The following ELMOD2 variants were observed in gnomAD, a reference collection of about 807,000 sequenced individuals.
The protein encoded by ELMOD2 is ELMO domain-containing protein 2.
Under a neutral mutation model 41.0 loss-of-function variants are expected in ELMOD2, and 28 were observed. That is an observed-to-expected ratio of 0.68 (90% CI 0.51 to 0.94). The LOEUF (loss-of-function observed/expected upper bound fraction) is 0.94, where lower values mean the gene tolerates loss of function less well. ELMOD2 is among the 40% of genes least tolerant of loss of function. The pLI, the probability that ELMOD2 is intolerant of heterozygous loss-of-function variation, is 0.00. For missense variants in ELMOD2, 333 were observed against 343.1 expected (o/e 0.97, Z 0.23); for synonymous variants, 106 against 107.2 (o/e 0.99, Z 0.07).
In ELMOD2 at chr4:140,550,597, A is replaced by G; in HGVS notation, c.*222A>G. ...TTATCCTTCCAAAGATCCCCTCTGT[A>G]GAGTCATGCGAACTACAGTTTGGAA... is the stretch of plus-strand genomic sequence containing the variant. On this transcript the variant is annotated 3_prime_UTR_variant, in exon 9 of 9. Transcript: ENST00000323570. 2.8e-6 allele frequency: 1 copy of G among 353,530 alleles called. No individual in the cohort carries two copies. The highest frequency in any genetic ancestry group is 6.5e-5 in the East Asian group (1 of 15,334). The allele number at this position is 353,530 out of a possible 1,614,324, so 21.9% of individuals were successfully genotyped here.
intron 5 of ELMOD2, 134 bp downstream of exon 5, chr4:140,537,675 T>G: frequency 1.0e-6 from 1 of 1,004,266 alleles, no homozygotes; most frequent in East Asian, 3.3e-5. Context: ...TAGAGAATTT[T>G]ATTATGCTGG....
chr4:140,535,556 C>CTATA (rs768754886), intron 3 of ELMOD2, 177 bp from the exon 4 acceptor site: 11 of 519,978 alleles, frequency 2.1e-5, no homozygotes, highest in Middle Eastern at 5.2e-4. Context: ...TATTATAAAA[C>CTATA]TATATATATA....
At position 140,525,470 on chromosome 4, in the gene ELMOD2, T is replaced by C. The variant is rs1403310010; in HGVS notation, c.42T>C (p.Phe14=). The C allele has an allele frequency of 6.2e-7, 1 of 1,613,916 alleles. No individual in the cohort carries two copies. Residue 14 remains phenylalanine (F), a synonymous_variant, in exon 2 of 9, where the codon TTT becomes TTC. Coordinates refer to ENST00000323570, the MANE Select transcript of ELMOD2 (RefSeq NM_153702.4). ...SLWEFFYGHF[F]RFWMKWLLRQ... ...GGGAGTTCTTCTATGGGCACTTTTT[T>C]CGATTTTGGATGAAATGGCTATTAC...
At chr4:140,541,777 A>G (rs1735112973) in intron 6 of ELMOD2, among the ~76,000 whole-genome samples, 2 of 152,116 alleles carry the variant, frequency 1.3e-5, no homozygotes, top group Admixed American at 1.3e-4. Context: ...GTTGAAAATT[A>G]GAGCCAGTGA....
intron 3 of ELMOD2, 121 bp downstream of exon 3, chr4:140,527,615 C>T (rs1044271304): frequency 3.9e-6 from 3 of 762,206 alleles, no homozygotes; most frequent in African/African-American, 1.8e-5. Flanking sequence ...GAAATTTTCC[C>T]CGTTTAGAGG....
chr4:140,525,464 C>T lies in ELMOD2; in HGVS notation c.36C>T (p.His12=). 6.2e-7 allele frequency: 1 copy of T among 1,613,660 alleles called. No homozygotes were observed. Among genetic ancestry groups the T allele is most frequent in the Non-Finnish European group, 8.5e-7 (1 of 1,179,866 alleles). ...FISLWEFFYG[H]FFRFWMKWLL... Reference sequence around the variant, plus strand: ...CTTTGTGGGAGTTCTTCTATGGGCACTTTTTTCGATTTTGGATGAAATGGC... The same window carrying T: ...CTTTGTGGGAGTTCTTCTATGGGCATTTTTTTCGATTTTGGATGAAATGGC... Residue 12 remains histidine, a synonymous_variant, in exon 2 of 9, where the codon CAC becomes CAT. Transcript: ENST00000323570.
At chr4:140,543,984 G>A (rs755851686) in intron 8 of ELMOD2, among the ~76,000 whole-genome samples, 3 of 151,970 alleles carry the variant, frequency 2.0e-5, no homozygotes, top group African/African-American at 4.8e-5. Context: ...GGAACTTTTC[G>A]CCTCCCCCTG....
chr4:140,547,572 T>C (rs1314322143), intron 8 of ELMOD2, among the ~76,000 whole-genome samples: 1 of 152,172 alleles, frequency 6.6e-6, no homozygotes, highest in East Asian at 1.9e-4. Flanking sequence ...AATAAAGTTA[T>C]GTCTCAATAA....
At chr4:140,525,398 C>T (rs762432965) in intron 1 of ELMOD2, 22 bp from the exon 2 acceptor site, 120 of 1,607,464 alleles carry the variant, frequency 7.5e-5, no homozygotes, top group Non-Finnish European at 9.8e-5. Context: ...TTAAGCTTGT[C>T]TTGTATGTTT....
At chr4:140,543,683 G>T in intron 8 of ELMOD2, 97 bp downstream of exon 8, 1 of 978,980 alleles carries the variant, frequency 1.0e-6, no homozygotes, top group Non-Finnish European at 1.4e-6. Flanking sequence ...TCTCTGTGAA[G>T]TATATAACTT....
At chr4:140,542,751 TAAG>T (rs1735150258) in intron 7 of ELMOD2, 109 bp downstream of exon 7, 1 of 859,626 alleles carries the variant, frequency 1.2e-6, no homozygotes, top group Non-Finnish European at 1.7e-6. Flanking sequence ...AGTATTTTAA[TAAG>T]AACTTTTTAA....
intron 3 of ELMOD2, among the ~76,000 whole-genome samples, chr4:140,529,552 T>G (rs1044000939): frequency 1.3e-5 from 2 of 152,158 alleles, no homozygotes; most frequent in South Asian, 2.1e-4. Flanking sequence ...CCACTAAAAC[T>G]CTTATCTGGT....
At chr4:140,524,448 T>G (rs1051264660) in intron 1 of ELMOD2, 168 bp downstream of exon 1, 48 of 320,404 alleles carry the variant, frequency 1.5e-4, no homozygotes, top group African/African-American at 1.0e-3. Context: ...GCGAGGGGGG[T>G]CGGCGCAGAG....
chr4:140,545,871 C>T (rs1275575700), intron 8 of ELMOD2, among the ~76,000 whole-genome samples: 1 of 152,158 alleles, frequency 6.6e-6, no homozygotes, highest in Non-Finnish European at 1.5e-5. Flanking sequence ...AATAGGAACA[C>T]TTTTACACTG....
chr4:140,524,581 C>T lies in ELMOD2; in HGVS notation c.-10+301C>T. 3 of 985,368 alleles carry T rather than the reference C, an allele frequency of 3.0e-6. No homozygotes were observed. In the African/African-American group the frequency reaches 5.2e-5, roughly 17 times the overall value. 61.0% of individuals were successfully genotyped at this position (985,368 alleles called of 1,614,324 possible). A position where few individuals can be genotyped will look rare whatever the true frequency, so the allele number is the denominator to read the frequency against. The stretch of plus-strand genomic sequence containing the variant: ...TTGATTTTCAAGATAATGATCAACC[C>T]AGCTGTGCTATGCGCTCTTTCTGCA... On this transcript the variant is annotated intron_variant, in intron 1 of 8. Coordinates refer to ENST00000323570, the MANE Select transcript of ELMOD2 (RefSeq NM_153702.4).
chr4:140,545,020 T>G (rs1735227178), intron 8 of ELMOD2, among the ~76,000 whole-genome samples: 2 of 152,174 alleles, frequency 1.3e-5, no homozygotes, highest in Non-Finnish European at 2.9e-5. Context: ...GCTCTCTTTG[T>G]TCATGAAACT....
chr4:140,537,552 G>A lies in ELMOD2; in HGVS notation c.399+11G>A, dbSNP rs1734974199. The A allele has an allele frequency of 2.5e-6, 4 of 1,595,978 alleles. No homozygotes were observed. Among genetic ancestry groups the A allele is most frequent in the African/African-American group, 2.7e-5 (2 of 73,600 alleles). On this transcript the variant is annotated intron_variant, in intron 5 of 8. Transcript: ENST00000323570. The stretch of plus-strand genomic sequence containing the variant: ...GAGCTACTCATGAAGGTAAATTTCT[G>A]TTTTCTTTATGTGGAGTTGTTGAAC...
chr4:140,535,155 C>G (rs892113645), intron 3 of ELMOD2, among the ~76,000 whole-genome samples: 2 of 144,544 alleles, frequency 1.4e-5, no homozygotes, highest in Admixed American at 1.3e-4. Flanking sequence ...CTCTCTCTCT[C>G]TCTCTCTCTC....
At chr4:140,532,570 A>G (rs1734785996) in intron 3 of ELMOD2, among the ~76,000 whole-genome samples, 1 of 152,242 alleles carries the variant, frequency 6.6e-6, no homozygotes, top group South Asian at 2.1e-4. Flanking sequence ...CTGTTTTGAC[A>G]GAATTCAGTA....
Sources: gnomAD v4.1 joint callset for allele counts (sites outside exome capture counted in the v4.1 genomes callset) on GRCh38, gnomAD v4.1.1 for gene constraint, MANE v1.5 for transcripts, NCBI Gene and HGNC (gene_info 2026-07-23, HGNC 2026-07-21) for gene names.